The following CCDC6 variants were observed in gnomAD, a reference collection of about 807,000 sequenced individuals.
CCDC6 encodes the protein coiled-coil domain-containing protein 6.
In CCDC6, 20 loss-of-function variants were observed where a neutral mutation model predicts 56.6. The observed-to-expected ratio is 0.35, with a 90% CI of 0.25 to 0.51. CCDC6 has a LOEUF of 0.51. CCDC6 is among the 20% of genes least tolerant of loss of function. CCDC6 has a pLI of 0.95. For missense variants in CCDC6, 367 were observed against 601.1 expected (o/e 0.61, Z 4.07); for synonymous variants, 241 against 234.4 (o/e 1.03, Z -0.26).
chr10:59,902,081 C>T (rs2071507235), intron 1 of CCDC6, among the ~76,000 whole-genome samples: 1 of 152,186 alleles, frequency 6.6e-6, no homozygotes, highest in African/African-American at 2.4e-5. Flanking sequence ...GGCTATAACT[C>T]ACAGGTGCAC....
intron 2 of CCDC6, among the ~76,000 whole-genome samples, chr10:59,848,707 T>C (rs977042869): frequency 2.6e-5 from 4 of 152,220 alleles, no homozygotes; most frequent in Non-Finnish European, 2.9e-5. Flanking sequence ...AAGTGAGAAC[T>C]TACTGTATAA....
At chr10:59,827,618 C>A (rs1032027512) in intron 3 of CCDC6, among the ~76,000 whole-genome samples, 1 of 152,072 alleles carries the variant, frequency 6.6e-6, no homozygotes, top group African/African-American at 2.4e-5. Context: ...CTAAACTACA[C>A]GGGCTAAGAT....
chr10:59,841,729 G>A (rs375815099), intron 2 of CCDC6, among the ~76,000 whole-genome samples: 10 of 150,938 alleles, frequency 6.6e-5, no homozygotes, highest in African/African-American at 9.8e-5. Context: ...GTGCGTTGGC[G>A]TGATCTCGGC....
chr10:59,899,202 C>T (rs1055761374), intron 1 of CCDC6, among the ~76,000 whole-genome samples: 1 of 152,174 alleles, frequency 6.6e-6, no homozygotes, highest in Admixed American at 6.5e-5. Flanking sequence ...AAGAAAATTG[C>T]AACCATCACC....
intron 2 of CCDC6, among the ~76,000 whole-genome samples, chr10:59,839,043 A>G (rs1339900833): frequency 6.6e-6 from 1 of 152,210 alleles, no homozygotes; most frequent in Non-Finnish European, 1.5e-5. Context: ...CTTCAGGGCG[A>G]TTACTACGTC....
chr10:59,862,590 T>G (rs1386017488), intron 1 of CCDC6, among the ~76,000 whole-genome samples: 1 of 111,610 alleles, frequency 9.0e-6, no homozygotes, highest in Non-Finnish European at 2.1e-5. Context: ...CACACATATA[T>G]AAAACCTCTG....
At chr10:59,804,016 G>A (rs1297251906) in intron 7 of CCDC6, among the ~76,000 whole-genome samples, 1 of 152,004 alleles carries the variant, frequency 6.6e-6, no homozygotes, top group African/African-American at 2.4e-5. Flanking sequence ...TTATTCTGAG[G>A]ACAAAAATGA....
At chr10:59,877,696 T>C (rs2071296446) in intron 1 of CCDC6, among the ~76,000 whole-genome samples, 1 of 152,140 alleles carries the variant, frequency 6.6e-6, no homozygotes, top group African/African-American at 2.4e-5. Context: ...TTAAGTTAAA[T>C]GTGAGTATGA....
intron 3 of CCDC6, among the ~76,000 whole-genome samples, chr10:59,816,602 T>C (rs1035368834): frequency 6.6e-6 from 1 of 152,246 alleles, no homozygotes; most frequent in Non-Finnish European, 1.5e-5. Context: ...AAATAATGTC[T>C]GGCTCATTGG....
intron 1 of CCDC6, among the ~76,000 whole-genome samples, chr10:59,895,300 T>G (rs1173999266): frequency 1.3e-5 from 2 of 152,114 alleles, no homozygotes; most frequent in Admixed American, 6.6e-5. Flanking sequence ...AGACCCTGTC[T>G]CAAAGAAAAC....
intron 1 of CCDC6, among the ~76,000 whole-genome samples, chr10:59,855,617 T>G (rs1363414315): frequency 2.0e-5 from 3 of 152,098 alleles, no homozygotes; most frequent in African/African-American, 7.2e-5. Context: ...GCGGAGGGGA[T>G]GGGAATGACT....
intron 1 of CCDC6, among the ~76,000 whole-genome samples, chr10:59,855,131 T>A (rs1423082379): frequency 1.3e-5 from 2 of 152,208 alleles, no homozygotes; most frequent in Admixed American, 6.5e-5. Context: ...AATAAGAAAC[T>A]AAGAGATTAT....
rs116076462 is a variant in CCDC6, at chr10:59,851,477, T to C, written c.453+1076A>G. Among the ~76,000 whole-genome samples, 1,285 of 152,314 alleles carry C rather than the reference T, an allele frequency of 8.4e-3. 17 individuals carry two copies. Among genetic ancestry groups the C allele is most frequent in the African/African-American group, 0.029 (1,211 of 41,576 alleles). On this transcript the variant is annotated intron_variant, in intron 2 of 8. Coordinates refer to ENST00000263102, the MANE Select transcript of CCDC6 (RefSeq NM_005436.5). ...TTGTGCAAGATTAACAGTGTCTTTATTCAGTAATTAGGTAGAAAAATGAGA... is the reference window on the plus strand; with the variant it reads ...TTGTGCAAGATTAACAGTGTCTTTACTCAGTAATTAGGTAGAAAAATGAGA...
rs192500261 is a variant in CCDC6 at position 59,895,537 on chromosome 10, T to C, written c.303+10585A>G. ...GTGGTGAGGATTAAATGAGAGGATA[T>C]ACGCAAACCCCTTCCAATAGTGCCT... is the stretch of plus-strand genomic sequence containing the variant. On this transcript the variant is annotated intron_variant, in intron 1 of 8. Coordinates refer to ENST00000263102, the MANE Select transcript of CCDC6 (RefSeq NM_005436.5). Among the ~76,000 whole-genome samples the C allele has an allele frequency of 1.3e-3, 202 of 152,266 alleles. 1 individual carries two copies. Among genetic ancestry groups the C allele is most frequent in the African/African-American group, 4.5e-3 (189 of 41,562 alleles).
intron 1 of CCDC6, 120 bp downstream of exon 1, chr10:59,905,977 GAAGCCAGCAGGTCCCCGCAGGGAGT>G: frequency 1.4e-6 from 1 of 705,230 alleles, no homozygotes; most frequent in Non-Finnish European, 2.3e-6. Context: ...TCTCCTCCCG[GAAGCCAGCAGGTCCCCGCAGGGAGT>G]GTGCTCTCAG....
chr10:59,902,273 T>C (rs1205761059), intron 1 of CCDC6, among the ~76,000 whole-genome samples: 15 of 152,324 alleles, frequency 9.8e-5, no homozygotes, highest in Admixed American at 7.2e-4. Flanking sequence ...AGAGCTTCTA[T>C]TAGCCTTTGG....
intron 7 of CCDC6, among the ~76,000 whole-genome samples, chr10:59,795,519 A>C (rs540055895): frequency 6.6e-6 from 1 of 151,898 alleles, no homozygotes; most frequent in East Asian, 1.9e-4. Flanking sequence ...CATGTGCACA[A>C]TGTGCAGGTT....
At chr10:59,897,992 G>GAA (rs2071476679) in intron 1 of CCDC6, among the ~76,000 whole-genome samples, 1 of 152,168 alleles carries the variant, frequency 6.6e-6, no homozygotes, top group Non-Finnish European at 1.5e-5. Context: ...CACAAGGCTG[G>GAA]ATTGATCTGG....
At chr10:59,882,788 G>A (rs1202946261) in intron 1 of CCDC6, among the ~76,000 whole-genome samples, 3 of 152,056 alleles carry the variant, frequency 2.0e-5, no homozygotes, top group Non-Finnish European at 4.4e-5. Flanking sequence ...GTGAAACCCC[G>A]CCTCTAGTAA....
Sources: gnomAD v4.1 joint callset for allele counts (sites outside exome capture counted in the v4.1 genomes callset) on GRCh38, gnomAD v4.1.1 for gene constraint, MANE v1.5 for transcripts, NCBI Gene and HGNC (gene_info 2026-07-23, HGNC 2026-07-21) for gene names.